The following NUDCD1 variants were observed in gnomAD, a reference collection of about 807,000 sequenced individuals.
NUDCD1 encodes the protein NudC domain containing 1.
A neutral mutation model predicts 67.8 loss-of-function variants in NUDCD1; 60 were observed. The ratio of observed to expected loss-of-function variants is 0.88; its 90% CI spans 0.72 to 1.10. NUDCD1 has a LOEUF of 1.10. Among genes scored for constraint, NUDCD1 ranks in the 50% least tolerant of loss-of-function variants. NUDCD1 has a pLI of 0.00. For missense variants in NUDCD1, 643 were observed against 695.0 expected, an observed-to-expected ratio of 0.93 and a Z score of 0.84; for synonymous variants, 244 against 230.8, an observed-to-expected ratio of 1.06 and a Z score of -0.52.
At chr8:109,301,012 T>C (rs1814975077) in intron 2 of NUDCD1, among the ~76,000 whole-genome samples, 1 of 131,338 alleles carries the variant, frequency 7.6e-6, no homozygotes, top group African/African-American at 2.5e-5. Flanking sequence ...GCTTCATATA[T>C]GAAGGAAAGA....
At chr8:109,323,027 CT>C (rs1815579374) in intron 1 of NUDCD1, among the ~76,000 whole-genome samples, 1 of 152,192 alleles carries the variant, frequency 6.6e-6, no homozygotes, top group Admixed American at 6.5e-5. Flanking sequence ...GAAACAAGAT[CT>C]CCTACTTACA....
intron 5 of NUDCD1, among the ~76,000 whole-genome samples, chr8:109,288,054 A>T (rs73700851): frequency 0.021 from 3,166 of 152,304 alleles, 104 homozygotes; most frequent in African/African-American, 0.071. Context: ...ACCAGTATAT[A>T]TATTAATATT....
chr8:109,245,375 T>C lies in NUDCD1; in HGVS notation c.1406A>G (p.His469Arg). ...HDVDALLWQP[H>R]SSKQDDMWEH... ...CCACATATCATCTTGTTTGCTGGAG[T>C]GTGGTTGCCAGAGTAGGGCATCAAC... The change falls in exon 9 of 10, where the codon CAC (histidine) becomes CGC (arginine). Residue 469 changes from histidine (H) to arginine (R), a missense_variant. His to Arg is a conservative substitution (Grantham distance 29). Coordinates refer to ENST00000239690, the MANE Select transcript of NUDCD1 (RefSeq NM_032869.4). The C allele has an allele frequency of 1.9e-6, 3 of 1,613,844 alleles. No individual in the cohort carries two copies. The highest frequency in any genetic ancestry group is 2.5e-6 in the Non-Finnish European group (3 of 1,179,880).
chr8:109,261,733 T>A (rs1813867366), intron 8 of NUDCD1, among the ~76,000 whole-genome samples: 1 of 152,166 alleles, frequency 6.6e-6, no homozygotes, highest in Admixed American at 6.5e-5. Flanking sequence ...ATTTAAACAA[T>A]ATATATTTTT....
At chr8:109,261,802 C>T (rs1292717889) in intron 8 of NUDCD1, among the ~76,000 whole-genome samples, 1 of 151,922 alleles carries the variant, frequency 6.6e-6, no homozygotes, top group Admixed American at 6.6e-5. Context: ...TCATAATTTG[C>T]CCGGTTTAAT....
chr8:109,280,076 T>C (rs1814395979), intron 6 of NUDCD1, among the ~76,000 whole-genome samples: 1 of 152,222 alleles, frequency 6.6e-6, no homozygotes, highest in South Asian at 2.1e-4. Context: ...CCTTCATATA[T>C]ATTTCTACAC....
intron 1 of NUDCD1, among the ~76,000 whole-genome samples, chr8:109,324,126 A>C (rs1283738359): frequency 6.6e-6 from 1 of 152,116 alleles, no homozygotes; most frequent in African/African-American, 2.4e-5. Flanking sequence ...CCTAGTGAAG[A>C]GACAACCTAT....
At chr8:109,266,011 C>T (rs1586261567) in intron 8 of NUDCD1, among the ~76,000 whole-genome samples, 1 of 151,882 alleles carries the variant, frequency 6.6e-6, no homozygotes, top group East Asian at 1.9e-4. Flanking sequence ...ATCCTTTCAC[C>T]TTCTGGTCAT....
intron 8 of NUDCD1, among the ~76,000 whole-genome samples, chr8:109,267,705 TAGTTA>T (rs1814034097): frequency 6.6e-6 from 1 of 152,216 alleles, no homozygotes; most frequent in Admixed American, 6.5e-5. Context: ...TGTGATTAAA[TAGTTA>T]AAACAGTATG....
chr8:109,243,007 A>T lies in NUDCD1; in HGVS notation c.*2T>A. The T allele has an allele frequency of 6.4e-7, 1 of 1,557,898 alleles. No individual in the cohort carries two copies. The highest frequency in any genetic ancestry group is 8.8e-7 in the Non-Finnish European group (1 of 1,131,500). ...TACAAAGAGGCCAATATGTTAGAAT[A>T]ATTAATTCTCTGTATTTACTTTTAT... On this transcript the variant is annotated 3_prime_UTR_variant, in exon 10 of 10. Coordinates refer to ENST00000239690, the MANE Select transcript of NUDCD1 (RefSeq NM_032869.4).
chr8:109,315,352 A>C (rs1241760074), intron 2 of NUDCD1: 2 of 152,034 alleles, frequency 1.3e-5, no homozygotes. Flanking sequence ...TATAAACTGG[A>C]CCTGCCAAAG....
At chr8:109,270,895 T>TA (rs780880558) in intron 8 of NUDCD1, 110 bp downstream of exon 8, 2 of 673,636 alleles carry the variant, frequency 3.0e-6, no homozygotes, top group Non-Finnish European at 4.9e-6. Context: ...TGATGAGACT[T>TA]ATCAAAGCCA....
chr8:109,278,242 ACT>A (rs1482232679), intron 6 of NUDCD1, among the ~76,000 whole-genome samples: 1 of 152,250 alleles, frequency 6.6e-6, no homozygotes, highest in Admixed American at 6.5e-5. Flanking sequence ...TTTAATAATT[ACT>A]AAGACTTGAT....
At chr8:109,259,135 C>T (rs1165040274) in intron 8 of NUDCD1, among the ~76,000 whole-genome samples, 5 of 152,160 alleles carry the variant, frequency 3.3e-5, no homozygotes, top group Non-Finnish European at 5.9e-5. Context: ...GTTTGTAAAG[C>T]AAATAACGCA....
chr8:109,319,688 GGCTAGAATGTAGTATACAAAGTGCTGTAA>G lies in NUDCD1; in HGVS notation c.273+2592_273+2620del, dbSNP rs576565710. 1.5e-4 allele frequency among the ~76,000 whole-genome samples: 23 copies of G among 152,324 alleles called. No individual in the cohort carries two copies. The East Asian group carries it at 2.3e-3, about 15-fold the overall frequency. On this transcript the variant is annotated intron_variant, in intron 2 of 9. Coordinates refer to ENST00000239690, the MANE Select transcript of NUDCD1 (RefSeq NM_032869.4). ...CTCAGGAACTGCAAGAGTTTAGTAT[GGCTAGAATGTAGTATACAAAGTGCTGTAA>G]GACAAGGTTGGAGAAAACTCGGCAT... is the stretch of plus-strand genomic sequence containing the variant.
intron 5 of NUDCD1, among the ~76,000 whole-genome samples, chr8:109,287,800 A>C (rs1484752188): frequency 1.3e-5 from 2 of 152,162 alleles, no homozygotes; most frequent in Non-Finnish European, 2.9e-5. Context: ...AATTTTAAAA[A>C]TGTATTAATT....
intron 8 of NUDCD1, among the ~76,000 whole-genome samples, chr8:109,247,292 A>G (rs1004594810): frequency 6.6e-6 from 1 of 152,216 alleles, no homozygotes; most frequent in African/African-American, 2.4e-5. Flanking sequence ...AGTTGAAACA[A>G]TATTTTCACA....
At position 109,333,878 on chromosome 8, in the gene NUDCD1, G is replaced by A. The variant is rs761630044; in HGVS notation, c.118+15C>T. 6.2e-7 allele frequency: 1 copy of A among 1,613,540 alleles called. No individual in the cohort carries two copies. Among genetic ancestry groups the A allele is most frequent in the Non-Finnish European group, 8.5e-7 (1 of 1,179,648 alleles). On this transcript the variant is annotated intron_variant, in intron 1 of 9. Coordinates refer to ENST00000239690, the MANE Select transcript of NUDCD1 (RefSeq NM_032869.4). ...GGGAAAGGAACGGAGTACGAAGGGCGCCGCCGCTTCCCACCTGCGTCAAGC... is the reference window on the plus strand; with the variant it reads ...GGGAAAGGAACGGAGTACGAAGGGCACCGCCGCTTCCCACCTGCGTCAAGC...
intron 6 of NUDCD1, among the ~76,000 whole-genome samples, chr8:109,277,759 G>C (rs1814330792): frequency 6.6e-6 from 1 of 152,246 alleles, no homozygotes; most frequent in South Asian, 2.1e-4. Flanking sequence ...CCAGACCTTT[G>C]CTGGGTTACT....
Sources: allele counts gnomAD v4.1 joint callset (sites outside exome capture counted in the v4.1 genomes callset), GRCh38; gene constraint gnomAD v4.1.1; transcripts MANE v1.5; gene names NCBI Gene and HGNC (gene_info 2026-07-23, HGNC 2026-07-21).